The following ASTN1 variants were observed in gnomAD, a reference collection of about 807,000 sequenced individuals.
ASTN1 encodes the protein astrotactin-1.
Under a neutral mutation model 140.7 loss-of-function variants are expected in ASTN1, and 41 were observed. That is an observed-to-expected ratio of 0.29 (90% CI 0.23 to 0.38). The LOEUF (loss-of-function observed/expected upper bound fraction) is 0.38, where lower values mean the gene tolerates loss of function less well. ASTN1 is among the 10% of genes least tolerant of loss of function. The pLI is 1.00. For synonymous variants in ASTN1, 640 were observed against 652.2 expected (o/e 0.98, Z 0.29); for missense variants, 1,479 against 1,678.8 (o/e 0.88, Z 2.08).
At chr1:176,954,105 T>A (rs1456425308) in intron 11 of ASTN1, among the ~76,000 whole-genome samples, 2 of 152,160 alleles carry the variant, frequency 1.3e-5, no homozygotes, top group Non-Finnish European at 1.5e-5. Context: ...CACTGCCATC[T>A]CCCATGGCTG....
rs1209523834 is a variant in ASTN1, at chr1:177,156,283, AC to A, written c.283+8110del. Among the ~76,000 whole-genome samples, 695 of 151,092 alleles carry A rather than the reference AC, an allele frequency of 4.6e-3. 12 individuals are homozygous for A. The highest frequency in any genetic ancestry group is 0.013 in the African/African-American group (525 of 40,826). Reference sequence around the variant, plus strand: ...AGACTCCGTCTCAAAAAAAAAAAAAACAAAAAACCCAACAACACCATATGCT... The same window carrying A: ...AGACTCCGTCTCAAAAAAAAAAAAAAAAAAAACCCAACAACACCATATGCT... On this transcript the variant is annotated intron_variant, in intron 1 of 22. Transcript: ENST00000361833.
At chr1:177,108,931 C>T (rs1483780247) in intron 1 of ASTN1, among the ~76,000 whole-genome samples, 3 of 151,972 alleles carry the variant, frequency 2.0e-5, no homozygotes, top group African/African-American at 7.2e-5. Flanking sequence ...AGGCAGAGAG[C>T]CTTGGGATGC....
At chr1:177,109,686 A>G (rs927396235) in intron 1 of ASTN1, among the ~76,000 whole-genome samples, 2 of 152,214 alleles carry the variant, frequency 1.3e-5, no homozygotes, top group Admixed American at 1.3e-4. Flanking sequence ...ACCATGGAAT[A>G]TCCTCCTTTC....
intron 1 of ASTN1, among the ~76,000 whole-genome samples, chr1:177,069,170 A>G (rs1405825823): frequency 6.6e-6 from 1 of 151,432 alleles, no homozygotes; most frequent in Non-Finnish European, 1.5e-5. Flanking sequence ...ACCTATTGAA[A>G]CTCCAATCAA....
chr1:177,016,317 A>AC (rs1161204972), intron 7 of ASTN1, among the ~76,000 whole-genome samples: 4 of 150,900 alleles, frequency 2.7e-5, no homozygotes, highest in African/African-American at 9.7e-5. Flanking sequence ...CATTTGTAAA[A>AC]AAAAAAAAAA....
intron 1 of ASTN1, among the ~76,000 whole-genome samples, chr1:177,086,086 A>G (rs1294967016): frequency 2.6e-5 from 4 of 152,092 alleles, no homozygotes; most frequent in Non-Finnish European, 5.9e-5. Flanking sequence ...AAGTGCTTCA[A>G]ACTCAATAAT....
At position 176,863,198 on chromosome 1, in the gene ASTN1, C is replaced by T. The variant is rs139685796; in HGVS notation, c.*1086G>A. 4.4e-5 allele frequency: 43 copies of T among 985,914 alleles called. No homozygotes were observed. The African/African-American group carries it at 7.3e-4, about 17-fold the overall frequency. The allele number at this position is 985,914 out of a possible 1,614,324, so 61.1% of individuals were successfully genotyped here. ...GTGGAATCCTCCTGCTTATGGTCAT[C>T]AGAGAAACGATTTGCAAAACTAGCA... On this transcript the variant is annotated 3_prime_UTR_variant, in exon 23 of 23. Coordinates refer to ENST00000361833, the MANE Select transcript of ASTN1 (RefSeq NM_004319.3).
intron 1 of ASTN1, among the ~76,000 whole-genome samples, chr1:177,109,782 A>T (rs1383301878): frequency 6.6e-6 from 1 of 152,300 alleles, no homozygotes; most frequent in African/African-American, 2.4e-5. Context: ...GACAGACTTG[A>T]AGATCTCTCA....
At chr1:176,961,806 G>T (rs1252017743) in intron 9 of ASTN1, among the ~76,000 whole-genome samples, 1 of 152,104 alleles carries the variant, frequency 6.6e-6, no homozygotes, top group Non-Finnish European at 1.5e-5. Flanking sequence ...ACTTCAAAAA[G>T]CTACCCAAGA....
intron 1 of ASTN1, among the ~76,000 whole-genome samples, chr1:177,114,117 C>G (rs1558105365): frequency 6.6e-6 from 1 of 152,138 alleles, no homozygotes; most frequent in Non-Finnish European, 1.5e-5. Flanking sequence ...GATGCACAGG[C>G]TTTGGAGTCA....
chr1:177,043,184 G>A (rs1378258206), intron 2 of ASTN1, among the ~76,000 whole-genome samples: 1 of 152,166 alleles, frequency 6.6e-6, no homozygotes, highest in African/African-American at 2.4e-5. Flanking sequence ...AGAACAGTCT[G>A]GCACTAATGC....
chr1:176,888,308 C>T, intron 17 of ASTN1, 104 bp from the exon 18 acceptor site: 4 of 1,363,498 alleles, frequency 2.9e-6, no homozygotes, highest in Non-Finnish European at 4.0e-6. Context: ...TAAATTACTT[C>T]CAGCAGCAGG....
In ASTN1 at chr1:176,996,782, C is replaced by T. The variant is rs553026982; in HGVS notation, c.1523+18009G>A. Among the ~76,000 whole-genome samples the T allele has an allele frequency of 9.2e-5, 14 of 152,264 alleles. No homozygotes were observed. The South Asian group carries it at 1.2e-3, about 14-fold the overall frequency. On this transcript the variant is annotated intron_variant, in intron 8 of 22. Coordinates refer to ENST00000361833, the MANE Select transcript of ASTN1 (RefSeq NM_004319.3). ...TGACTTCAAAGAGGGCATCCTGCCA[C>T]GCTAGGGGCTCCCATGGAAAATCTG...
Position 176,862,208 on chromosome 1 carries a change from TG to T in ASTN1, c.*2075del. The T allele has an allele frequency of 1.0e-6, 1 of 985,420 alleles. No homozygotes were observed. 61.0% of individuals were successfully genotyped at this position (985,420 alleles called of 1,614,324 possible). On this transcript the variant is annotated 3_prime_UTR_variant, in exon 23 of 23. Coordinates refer to ENST00000361833, the MANE Select transcript of ASTN1 (RefSeq NM_004319.3). Reference sequence around the variant, plus strand: ...GACAGCCAATTTTTCTGCTGATCTTTGCTTTGAAAGTAGGGGAATCTCTGAG... The same window carrying T: ...GACAGCCAATTTTTCTGCTGATCTTTCTTTGAAAGTAGGGGAATCTCTGAG...
chr1:176,860,282 A>G (rs1667925511), downstream of ASTN1, among the ~76,000 whole-genome samples: 1 of 152,212 alleles, frequency 6.6e-6, no homozygotes, highest in African/African-American at 2.4e-5. Context: ...AGGGGTGTCA[A>G]AGAATCTGTG....
At position 177,014,874 on chromosome 1, in the gene ASTN1, C is replaced by T; in HGVS notation, c.1440G>A (p.Gly480=). 1 of 1,611,758 alleles carries T rather than the reference C, an allele frequency of 6.2e-7. No homozygotes were observed. Among genetic ancestry groups the T allele is most frequent in the Non-Finnish European group, 8.5e-7 (1 of 1,178,228 alleles). Residue 480 remains glycine (G), a splice_region_variant and synonymous_variant, in exon 8 of 23, where the codon GGG becomes GGA. Transcript: ENST00000361833. ...PCEHQCDPET[G]ECLCYEGYMK... Reference sequence around the variant, plus strand: ...TGTAGCCTTCATAGCAGAGGCATTCCCCTTAGAAGCAGGGTAAGGAGGAAG... The same window carrying T: ...TGTAGCCTTCATAGCAGAGGCATTCTCCTTAGAAGCAGGGTAAGGAGGAAG...
At chr1:177,027,406 T>C (rs560485543) in intron 5 of ASTN1, among the ~76,000 whole-genome samples, 3 of 152,052 alleles carry the variant, frequency 2.0e-5, no homozygotes, top group South Asian at 4.2e-4. Context: ...TTCTGCATCA[T>C]CGACCCATAA....
At chr1:176,997,118 T>C (rs548177868) in intron 8 of ASTN1, among the ~76,000 whole-genome samples, 3 of 152,174 alleles carry the variant, frequency 2.0e-5, no homozygotes. Flanking sequence ...TCTTGATTCT[T>C]ACAGAAATAA....
intron 8 of ASTN1, among the ~76,000 whole-genome samples, chr1:176,993,686 G>A (rs189385994): frequency 2.6e-4 from 40 of 152,150 alleles, no homozygotes; most frequent in East Asian, 2.5e-3. Flanking sequence ...TGCCCCATAC[G>A]CATTAGTACT....
Sources: gnomAD v4.1 joint callset for allele counts (sites outside exome capture counted in the v4.1 genomes callset) on GRCh38, gnomAD v4.1.1 for gene constraint, MANE v1.5 for transcripts, NCBI Gene and HGNC (gene_info 2026-07-23, HGNC 2026-07-21) for gene names.